The following ERBB4 variants were observed in gnomAD, a reference collection of about 807,000 sequenced individuals.
ERBB4 encodes the protein erb-b2 receptor tyrosine kinase 4.
A neutral mutation model predicts 158.0 loss-of-function variants in ERBB4; 42 were observed. The observed-to-expected ratio is 0.27, with a 90% CI of 0.21 to 0.34. ERBB4 has a LOEUF of 0.34. Ranked by LOEUF, ERBB4 falls within the 10% of genes least tolerant of loss-of-function variation. The pLI is 1.00. For missense variants in ERBB4, 1,333 were observed against 1,624.1 expected (o/e 0.82, Z 3.08); for synonymous variants, 583 against 558.7 (o/e 1.04, Z -0.61).
At chr2:212,185,506 T>C (rs1043257051) in intron 1 of ERBB4, among the ~76,000 whole-genome samples, 1 of 152,160 alleles carries the variant, frequency 6.6e-6, no homozygotes, top group African/African-American at 2.4e-5. Context: ...TTTAAAAATC[T>C]GTTAACACGT....
chr2:211,572,735 C>G (rs2067766801), intron 19 of ERBB4, among the ~76,000 whole-genome samples: 1 of 152,188 alleles, frequency 6.6e-6, no homozygotes, highest in Admixed American at 6.6e-5. Context: ...TATAAAGACT[C>G]TTTTGCTAAA....
At chr2:212,344,054 T>C (rs574895285) in intron 1 of ERBB4, among the ~76,000 whole-genome samples, 102 of 152,328 alleles carry the variant, frequency 6.7e-4, no homozygotes, top group African/African-American at 2.4e-3. Flanking sequence ...TTATTTTGCA[T>C]AATTTGCTGT....
chr2:212,078,200 A>T (rs1575602762), intron 2 of ERBB4, among the ~76,000 whole-genome samples: 1 of 152,156 alleles, frequency 6.6e-6, no homozygotes, highest in East Asian at 1.9e-4. Flanking sequence ...ACTAAATTTA[A>T]TTTTTATTTG....
chr2:211,569,949 C>T (rs2067664551), intron 19 of ERBB4, among the ~76,000 whole-genome samples: 1 of 152,078 alleles, frequency 6.6e-6, no homozygotes, highest in African/African-American at 2.4e-5. Flanking sequence ...AAGCACTTGC[C>T]AATATCATAT....
intron 1 of ERBB4, among the ~76,000 whole-genome samples, chr2:212,230,864 A>G (rs1487981587): frequency 6.6e-6 from 1 of 152,188 alleles, no homozygotes; most frequent in Non-Finnish European, 1.5e-5. Flanking sequence ...CTTCCCAGGA[A>G]TCATAGGGAA....
At chr2:212,466,410 C>T (rs1688837699) in intron 1 of ERBB4, among the ~76,000 whole-genome samples, 1 of 152,152 alleles carries the variant, frequency 6.6e-6, no homozygotes, top group South Asian at 2.1e-4. Flanking sequence ...CCAAAATTCC[C>T]ATGTTGTGGA....
chr2:212,300,468 A>G (rs17346933), intron 1 of ERBB4, among the ~76,000 whole-genome samples: 25,136 of 151,522 alleles, frequency 0.17, 2,282 homozygotes, highest in South Asian at 0.3. Context: ...TAAAATTTTA[A>G]GTAGAGTAGT....
intron 2 of ERBB4, among the ~76,000 whole-genome samples, chr2:211,994,550 C>T (rs982991140): frequency 9.2e-5 from 14 of 152,248 alleles, no homozygotes; most frequent in African/African-American, 3.1e-4. Flanking sequence ...TTTATATTTA[C>T]CTTCTCAATC....
intron 1 of ERBB4, among the ~76,000 whole-genome samples, chr2:212,299,008 T>C (rs962762052): frequency 1.3e-5 from 2 of 151,784 alleles, no homozygotes; most frequent in Non-Finnish European, 2.9e-5. Flanking sequence ...CTAATATTTA[T>C]TGTGAGCTCA....
chr2:212,192,071 G>A (rs369533360), intron 1 of ERBB4, among the ~76,000 whole-genome samples: 107 of 84,560 alleles, frequency 1.3e-3, no homozygotes, highest in African/African-American at 4.5e-3. Context: ...TATGTTATAT[G>A]TTATATATAT....
intron 20 of ERBB4, among the ~76,000 whole-genome samples, chr2:211,559,134 C>G (rs1459798417): frequency 6.6e-6 from 1 of 152,110 alleles, no homozygotes; most frequent in East Asian, 1.9e-4. Context: ...TCTCACCGTA[C>G]TCCCCTCCCT....
At chr2:212,525,949 A>G (rs1692423493) in intron 1 of ERBB4, among the ~76,000 whole-genome samples, 1 of 152,048 alleles carries the variant, frequency 6.6e-6, no homozygotes. Context: ...AATGTCCTTG[A>G]AACAAAGCTA....
intron 2 of ERBB4, among the ~76,000 whole-genome samples, chr2:212,004,035 A>T (rs1266311026): frequency 1.3e-5 from 2 of 152,206 alleles, no homozygotes; most frequent in African/African-American, 4.8e-5. Flanking sequence ...CTAGTAGTAT[A>T]ACTACTACTG....
intron 3 of ERBB4, among the ~76,000 whole-genome samples, chr2:211,796,020 T>A (rs1411165805): frequency 1.3e-5 from 2 of 151,954 alleles, no homozygotes; most frequent in Admixed American, 6.6e-5. Flanking sequence ...AGAAACTTTT[T>A]AATTGAATTA....
chr2:211,796,191 C>T (rs1034024687), intron 3 of ERBB4, among the ~76,000 whole-genome samples: 9 of 151,856 alleles, frequency 5.9e-5, no homozygotes, highest in Non-Finnish European at 1.3e-4. Context: ...AACCCTGATC[C>T]TGACTTTGAG....
At chr2:212,387,323 G>C (rs777547821) in intron 1 of ERBB4, among the ~76,000 whole-genome samples, 3 of 152,120 alleles carry the variant, frequency 2.0e-5, no homozygotes, top group Non-Finnish European at 4.4e-5. Context: ...GAAGCAAAAA[G>C]CAAGAATGCA....
rs140926343 is a variant in ERBB4 at position 211,966,566 on chromosome 2, A to G, written c.235-18950T>C. On this transcript the variant is annotated intron_variant, in intron 2 of 27. Transcript: ENST00000342788. The stretch of plus-strand genomic sequence containing the variant: ...TAAATTTGTTTAAACCCTAAAATGA[A>G]AAAGATTAACTATCTCTCTTAGCAA... Among the ~76,000 whole-genome samples, 587 of 152,278 alleles carry G rather than the reference A, an allele frequency of 3.9e-3. 7 individuals are homozygous for G. Among genetic ancestry groups the G allele is most frequent in the African/African-American group, 0.013 (557 of 41,562 alleles).
chr2:212,147,930 C>T (rs1190163116), intron 1 of ERBB4, among the ~76,000 whole-genome samples: 2 of 152,028 alleles, frequency 1.3e-5, no homozygotes, highest in Non-Finnish European at 2.9e-5. Flanking sequence ...CTTCTTTCTC[C>T]ATCTTTCCAT....
intron 3 of ERBB4, among the ~76,000 whole-genome samples, chr2:211,879,093 T>C (rs957611086): frequency 6.6e-6 from 1 of 152,114 alleles, no homozygotes; most frequent in African/African-American, 2.4e-5. Flanking sequence ...ACCCAAGCTA[T>C]CTGGTTGAAG....
Sources: allele counts gnomAD v4.1 joint callset (sites outside exome capture counted in the v4.1 genomes callset), GRCh38; gene constraint gnomAD v4.1.1; transcripts MANE v1.5; gene names NCBI Gene and HGNC (gene_info 2026-07-23, HGNC 2026-07-21).